MYO10: variants seen among roughly 807,000 people sequenced by gnomAD.
MYO10 encodes the protein myosin X, also known as unconventional myosin-X.
In MYO10, 133 loss-of-function variants were observed where a neutral mutation model predicts 257.3. The ratio of observed to expected loss-of-function variants is 0.52; its 90% CI spans 0.45 to 0.60. The LOEUF (loss-of-function observed/expected upper bound fraction) is 0.60. Among genes scored for constraint, MYO10 ranks in the 20% least tolerant of loss-of-function variants. MYO10 has a pLI of 0.00. For missense variants in MYO10, 2,399 were observed against 2,635.7 expected (o/e 0.91, Z 1.97); for synonymous variants, 1,104 against 1,028.6 (o/e 1.07, Z -1.40).
intron 19 of MYO10, among the ~76,000 whole-genome samples, chr5:16,747,866 C>T (rs1740244578): frequency 7.2e-6 from 1 of 138,290 alleles, no homozygotes; most frequent in Non-Finnish European, 1.5e-5. Context: ...TTGCAGTGAG[C>T]CGAGATCGTG....
rs570392119 is a variant in MYO10, at chr5:16,872,173, C to T, written c.120+5436G>A. On this transcript the variant is annotated intron_variant, in intron 2 of 40. Transcript: ENST00000513610. ...CGACCACAAGTCAAGGGCAGTGGCA[C>T]CCAGAGACTGGTAGAGCTGTTGAGC... Among the ~76,000 whole-genome samples the T allele has an allele frequency of 1.2e-4, 19 of 152,302 alleles. 1 individual carries two copies. Among genetic ancestry groups the T allele is most frequent in the African/African-American group, 4.6e-4 (19 of 41,562 alleles).
At chr5:16,738,087 G>C (rs934265502) in intron 19 of MYO10, 1 of 970,360 alleles carries the variant, frequency 1.0e-6, no homozygotes, top group Middle Eastern at 5.3e-4. Flanking sequence ...TGAGGCCAAA[G>C]CTTAGAGGAG....
chr5:16,890,411 T>C (rs56969691), intron 1 of MYO10, among the ~76,000 whole-genome samples: 16,727 of 151,784 alleles, frequency 0.11, 1,748 homozygotes, highest in East Asian at 0.25. Flanking sequence ...TGAAAACATA[T>C]GTCCACACGA....
At chr5:16,932,426 C>T (rs1311772443) in intron 1 of MYO10, among the ~76,000 whole-genome samples, 3 of 152,136 alleles carry the variant, frequency 2.0e-5, no homozygotes, top group African/African-American at 7.2e-5. Flanking sequence ...CAAGTTTGCA[C>T]AGTAGCCTTG....
intron 2 of MYO10, among the ~76,000 whole-genome samples, chr5:16,829,600 T>C (rs1462087852): frequency 1.3e-5 from 2 of 152,078 alleles, no homozygotes; most frequent in African/African-American, 4.8e-5. Context: ...GAGCGGTAAA[T>C]ACTAACCATC....
chr5:16,673,939 G>C (rs115887664), intron 35 of MYO10, 50 bp from the exon 36 acceptor site: 3 of 1,554,970 alleles, frequency 1.9e-6, no homozygotes, highest in Non-Finnish European at 2.7e-6. Context: ...GGGGCTGGCT[G>C]CTGGGAGGAA....
intron 2 of MYO10, among the ~76,000 whole-genome samples, chr5:16,854,612 T>C (rs569439007): frequency 3.2e-4 from 49 of 152,292 alleles, no homozygotes; most frequent in Non-Finnish European, 5.7e-4. Flanking sequence ...ATAATGAAAA[T>C]GTTTCAACAT....
At chr5:16,717,174 A>T (rs1279306893) in intron 19 of MYO10, among the ~76,000 whole-genome samples, 1 of 152,238 alleles carries the variant, frequency 6.6e-6, no homozygotes, top group East Asian at 1.9e-4. Context: ...TCAAGAAGTT[A>T]AAAAGTAAGT....
At chr5:16,792,565 A>C (rs1475430115) in intron 4 of MYO10, among the ~76,000 whole-genome samples, 3 of 137,774 alleles carry the variant, frequency 2.2e-5, no homozygotes, top group Non-Finnish European at 4.8e-5. Context: ...CCCCAACCCC[A>C]GTCCCTCCCC....
intron 1 of MYO10, among the ~76,000 whole-genome samples, chr5:16,923,155 C>A (rs1363729743): frequency 6.6e-6 from 1 of 152,082 alleles, no homozygotes; most frequent in Non-Finnish European, 1.5e-5. Flanking sequence ...CTGCTAAATC[C>A]CCCTGGGTCA....
intron 19 of MYO10, chr5:16,713,250 C>G (rs954519975): frequency 6.6e-6 from 6 of 915,076 alleles, no homozygotes. Flanking sequence ...TACAATTCCC[C>G]AGTCCGAAGC....
chr5:16,791,123 G>A (rs367605102), intron 4 of MYO10, among the ~76,000 whole-genome samples: 4 of 152,046 alleles, frequency 2.6e-5, no homozygotes, highest in African/African-American at 7.2e-5. Flanking sequence ...CTTATAAAGC[G>A]AGAGAAAAAT....
chr5:16,701,569 G>A lies in MYO10; in HGVS notation c.2826C>T (p.Leu942=), dbSNP rs750246367. Residue 942 remains leucine, a synonymous_variant, in exon 25 of 41, where the codon CTC becomes CTT. Transcript: ENST00000513610. This position sits in a 1 kb window ranked among gnomAD's most constrained non-coding sequence, Gnocchi z 8.1. ...CGATCTCGTCGAAATTGAGGGACTCGAGGAACTCCTGGGCCGCCCTGCACG... is the reference window on the plus strand; with the variant it reads ...CGATCTCGTCGAAATTGAGGGACTCAAGGAACTCCTGGGCCGCCCTGCACG... ...EEACRAAQEF[L]ESLNFDEIDE... The A allele has an allele frequency of 1.9e-5, 31 of 1,613,668 alleles. No homozygotes were observed. The highest frequency in any genetic ancestry group is 8.0e-5 in the African/African-American group (6 of 74,880).
intron 1 of MYO10, among the ~76,000 whole-genome samples, chr5:16,909,187 GC>G (rs1745592303): frequency 1.3e-5 from 2 of 152,284 alleles, no homozygotes; most frequent in East Asian, 3.9e-4. Context: ...AGGTAAGAGG[GC>G]ATGTCCAGGG....
intron 19 of MYO10, among the ~76,000 whole-genome samples, chr5:16,719,322 C>T (rs536358669): frequency 1.5e-4 from 23 of 152,190 alleles, no homozygotes; most frequent in Non-Finnish European, 3.1e-4. Context: ...CCCACCAATT[C>T]CGGACACAAT....
chr5:16,861,557 A>T (rs905216874), intron 2 of MYO10, among the ~76,000 whole-genome samples: 21 of 152,152 alleles, frequency 1.4e-4, no homozygotes, highest in African/African-American at 5.1e-4. Flanking sequence ...GGGCAACAAG[A>T]GTGAAACTCC....
At chr5:16,714,655 T>TA (rs1738770177) in intron 19 of MYO10, among the ~76,000 whole-genome samples, 1 of 152,106 alleles carries the variant, frequency 6.6e-6, no homozygotes, top group African/African-American at 2.4e-5. Context: ...CCGTCTCTAC[T>TA]AAAAATACAA....
chr5:16,701,397 C>T lies in MYO10; in HGVS notation c.2998G>A (p.Asp1000Asn), dbSNP rs769244756. Reference sequence around the variant, plus strand: ...GGGGAGTCCTTGAAGGCGTCGTCGTCGGCTTCGAAGCCCTCATCGACCTCC... The same window carrying T: ...GGGGAGTCCTTGAAGGCGTCGTCGTTGGCTTCGAAGCCCTCATCGACCTCC... ...EEEVDEGFEA[D>N]DDAFKDSPNP... The change falls in exon 25 of 41, where the codon GAC (aspartate) becomes AAC (asparagine). Residue 1000 changes from aspartate to asparagine, a missense_variant. Transcript: ENST00000513610. The surrounding 1 kb of genome is among the most constrained non-coding windows in gnomAD (Gnocchi z 8.1). The T allele has an allele frequency of 1.9e-5, 30 of 1,613,878 alleles. No homozygotes were observed. The highest frequency in any genetic ancestry group is 3.3e-5 in the Admixed American group (2 of 60,006).
intron 2 of MYO10, among the ~76,000 whole-genome samples, chr5:16,875,554 C>T (rs1340242131): frequency 6.6e-6 from 1 of 152,080 alleles, no homozygotes; most frequent in South Asian, 2.1e-4. Context: ...TCTTTGTTCC[C>T]CCTCTCTCCC....
Sources: allele counts gnomAD v4.1 joint callset (sites outside exome capture counted in the v4.1 genomes callset), GRCh38; gene constraint gnomAD v4.1.1; non-coding constraint Gnocchi (gnomAD v3.1); transcripts MANE v1.5; gene names NCBI Gene and HGNC (gene_info 2026-07-23, HGNC 2026-07-21).